PBX3: variants seen among roughly 807,000 people sequenced by gnomAD.
The protein encoded by PBX3 is pre-B-cell leukemia transcription factor 3.
PBX3 carries 14 observed loss-of-function variants against 48.5 expected under a neutral mutation model. That is an observed-to-expected ratio of 0.29 (90% CI 0.19 to 0.45). The LOEUF is 0.45. PBX3 is among the 20% of genes least tolerant of loss of function. The pLI is 1.00. For synonymous variants in PBX3, 210 were observed against 200.3 expected, an observed-to-expected ratio of 1.05 and a Z score of -0.41; for missense variants, 386 against 546.7, an observed-to-expected ratio of 0.71 and a Z score of 2.93.
rs1258108405 is a variant in PBX3, at chr9:125,965,944, TG to T, written c.*22del. On this transcript the variant is annotated 3_prime_UTR_variant, in exon 9 of 9. Transcript: ENST00000373489. The stretch of plus-strand genomic sequence containing the variant: ...ACTAATCTCTGGCCACACTTTTCCC[TG>T]AGCTACATGCCTTGATAAGTGCATT... The T allele has an allele frequency of 6.4e-7, 1 of 1,567,724 alleles. No individual in the cohort carries two copies. The highest frequency in any genetic ancestry group is 8.8e-7 in the Non-Finnish European group (1 of 1,138,082).
intron 6 of PBX3, 94 bp downstream of exon 6, chr9:125,960,943 A>T: frequency 8.0e-6 from 10 of 1,243,748 alleles, no homozygotes; most frequent in East Asian, 2.5e-5. Flanking sequence ...CATACTGAGG[A>T]CAGAGTGGAC....
chr9:125,807,229 C>T (rs1403785471), intron 2 of PBX3, among the ~76,000 whole-genome samples: 1 of 151,898 alleles, frequency 6.6e-6, no homozygotes, highest in Non-Finnish European at 1.5e-5. Flanking sequence ...AAGGCTGAGG[C>T]AGGAGAATCA....
intron 6 of PBX3, among the ~76,000 whole-genome samples, chr9:125,961,484 A>C (rs1423188428): frequency 2.6e-5 from 4 of 152,194 alleles, no homozygotes. Context: ...CTTGAATAAC[A>C]ATGAAAGATG....
chr9:125,872,854 A>T (rs1489618181), intron 2 of PBX3, among the ~76,000 whole-genome samples: 2 of 151,598 alleles, frequency 1.3e-5, no homozygotes, highest in Non-Finnish European at 2.9e-5. Context: ...GAGAAGTGTA[A>T]CAATACTAGA....
chr9:125,866,553 T>C (rs1366528760), intron 2 of PBX3, among the ~76,000 whole-genome samples: 1 of 152,160 alleles, frequency 6.6e-6, no homozygotes, highest in African/African-American at 2.4e-5. Context: ...TCTGCCTAGA[T>C]TGTAAGAGGG....
intron 2 of PBX3, among the ~76,000 whole-genome samples, chr9:125,810,304 G>C (rs1215972754): frequency 6.6e-6 from 1 of 151,882 alleles, no homozygotes; most frequent in East Asian, 1.9e-4. Flanking sequence ...ACAATTTAAA[G>C]ATAATTTTCT....
rs185130483 is a variant in PBX3, at chr9:125,902,445, T to C, written c.275-13241T>C. 2.0e-4 allele frequency among the ~76,000 whole-genome samples: 31 copies of C among 151,826 alleles called. No homozygotes were observed. In the East Asian group the frequency reaches 5.6e-3, roughly 28 times the overall value. The stretch of plus-strand genomic sequence containing the variant: ...GTATCCAGATTTGACCTGCCAAGTA[T>C]TAAATTTTTAATGTATTACTAGTTC... On this transcript the variant is annotated intron_variant, in intron 2 of 8. Coordinates refer to ENST00000373489, the MANE Select transcript of PBX3 (RefSeq NM_006195.6).
intron 2 of PBX3, among the ~76,000 whole-genome samples, chr9:125,865,047 T>C (rs1027348150): frequency 6.6e-6 from 1 of 152,260 alleles, no homozygotes; most frequent in Non-Finnish European, 1.5e-5. Flanking sequence ...TGCCTGGCGC[T>C]GTTCGGATTA....
At chr9:125,935,367 G>A (rs891757557) in intron 4 of PBX3, 105 bp from the exon 5 acceptor site, 47 of 965,452 alleles carry the variant, frequency 4.9e-5, no homozygotes, top group East Asian at 3.3e-4. Context: ...CCTTAAGGAT[G>A]TTTAAAAAGA....
At chr9:125,804,917 A>AGATCAGGCTGAGGTCAT (rs879326095) in intron 2 of PBX3, among the ~76,000 whole-genome samples, 1 of 147,046 alleles carries the variant, frequency 6.8e-6, no homozygotes, top group East Asian at 2.0e-4. Flanking sequence ...ACTGCACTCC[A>AGATCAGGCTGAGGTCAT]GCCTGGGTGA....
chr9:125,779,347 G>T (rs1371479051), intron 2 of PBX3, among the ~76,000 whole-genome samples: 1 of 139,856 alleles, frequency 7.2e-6, no homozygotes, highest in Non-Finnish European at 1.5e-5. Context: ...TGGAGGGAAG[G>T]TTGGCAGATA....
chr9:125,816,978 G>A (rs1174977629), intron 2 of PBX3, among the ~76,000 whole-genome samples: 1 of 151,910 alleles, frequency 6.6e-6, no homozygotes, highest in Non-Finnish European at 1.5e-5. Flanking sequence ...ATTTTTTTCT[G>A]CAGTTAATGT....
At chr9:125,882,568 A>G (rs1245962778) in intron 2 of PBX3, among the ~76,000 whole-genome samples, 4 of 152,346 alleles carry the variant, frequency 2.6e-5, no homozygotes, top group South Asian at 2.1e-4. Context: ...CACTACAGAA[A>G]TCATGCATAC....
At chr9:125,764,110 C>G (rs564792654) in intron 2 of PBX3, among the ~76,000 whole-genome samples, 109 of 152,308 alleles carry the variant, frequency 7.2e-4, no homozygotes, top group African/African-American at 2.6e-3. Context: ...GCTTAGTTTT[C>G]TAAAGACTGC....
intron 2 of PBX3, among the ~76,000 whole-genome samples, chr9:125,871,402 A>T (rs1374215305): frequency 6.6e-6 from 1 of 152,106 alleles, no homozygotes; most frequent in Non-Finnish European, 1.5e-5. Context: ...AAAAATCTAA[A>T]AAAACCCAGG....
chr9:125,813,150 A>G (rs1838344368), intron 2 of PBX3, among the ~76,000 whole-genome samples: 2 of 152,244 alleles, frequency 1.3e-5, no homozygotes, highest in African/African-American at 4.8e-5. Flanking sequence ...CTTTTGTAAT[A>G]ACACTTAGCT....
intron 2 of PBX3, among the ~76,000 whole-genome samples, chr9:125,806,538 T>G (rs1838130754): frequency 6.6e-6 from 1 of 152,178 alleles, no homozygotes; most frequent in Non-Finnish European, 1.5e-5. Context: ...CTAGCTTGCT[T>G]TCTGCAGGCC....
Position 125,747,660 on chromosome 9 carries a change from G to GTCGTC in PBX3, c.200+10_200+14dup. On this transcript the variant is annotated splice_region_variant and intron_variant, in intron 1 of 8. Transcript: ENST00000373489. ...TGGACGAGGCGCAAGCAAAGTTGGT[G>GTCGTC]TCGTCTCATTAAGCATCTTTTGTGT... 6.3e-7 allele frequency: 1 copy of GTCGTC among 1,582,536 alleles called. No homozygotes were observed. The highest frequency in any genetic ancestry group is 8.6e-7 in the Non-Finnish European group (1 of 1,164,480).
chr9:125,751,836 G>A (rs1836383595), intron 2 of PBX3, among the ~76,000 whole-genome samples: 1 of 152,120 alleles, frequency 6.6e-6, no homozygotes, highest in African/African-American at 2.4e-5. Flanking sequence ...CTCTTTTGGT[G>A]TATGCCCCCA....
Sources: gnomAD v4.1 joint callset for allele counts (sites outside exome capture counted in the v4.1 genomes callset) on GRCh38, gnomAD v4.1.1 for gene constraint, MANE v1.5 for transcripts, NCBI Gene and HGNC (gene_info 2026-07-23, HGNC 2026-07-21) for gene names.